Variants in PIWIL2 observed in about 807,000 individuals in gnomAD.
The protein encoded by PIWIL2 is piwi like RNA-mediated gene silencing 2.
A neutral mutation model predicts 116.5 loss-of-function variants in PIWIL2; 81 were observed. The ratio of observed to expected loss-of-function variants is 0.70; its 90% confidence interval spans 0.58 to 0.84. PIWIL2 has a LOEUF of 0.84. PIWIL2 is among the 40% of genes least tolerant of loss of function. The pLI is 0.00. For missense variants in PIWIL2, 1,272 were observed against 1,212.3 expected (o/e 1.05, Z -0.73); for synonymous variants, 489 against 429.5 (o/e 1.14, Z -1.71).
In PIWIL2 at chr8:22,356,202, C is replaced by A; in HGVS notation, c.*697C>A. The A allele has an allele frequency of 6.6e-6, 1 of 152,092 alleles. No homozygotes were observed. The highest frequency in any genetic ancestry group is 6.6e-5 in the Admixed American group (1 of 15,264). The allele number at this position is 152,092 out of a possible 1,614,324, so 9.4% of individuals were successfully genotyped here. A position where few individuals can be genotyped will look rare whatever the true frequency, so the allele number is the denominator to read the frequency against. ...TGATAATTAAGTCATTGCAAGTTGC[C>A]TGAAGAGAATTACTCAGGCAACTGG... On this transcript the variant is annotated 3_prime_UTR_variant, in exon 23 of 23. Coordinates refer to ENST00000356766, the MANE Select transcript of PIWIL2 (RefSeq NM_018068.5).
intron 4 of PIWIL2, among the ~76,000 whole-genome samples, chr8:22,282,765 A>AT (rs1830540336): frequency 6.6e-6 from 1 of 151,868 alleles, no homozygotes; most frequent in East Asian, 2.0e-4. Context: ...TAATTTTTGT[A>AT]TTTTTTATAG....
intron 20 of PIWIL2, among the ~76,000 whole-genome samples, chr8:22,322,979 T>C (rs181085658): frequency 1.5e-3 from 234 of 151,404 alleles, no homozygotes; most frequent in Non-Finnish European, 2.8e-3. Context: ...TGCAGTGGTA[T>C]GATCTCGGCT....
At chr8:22,297,833 C>A (rs913039131) in intron 10 of PIWIL2, among the ~76,000 whole-genome samples, 2 of 152,092 alleles carry the variant, frequency 1.3e-5, no homozygotes, top group African/African-American at 4.8e-5. Context: ...TCAGGAAAGG[C>A]CTAAATTGGT....
At chr8:22,311,088 C>T in intron 15 of PIWIL2, 24 bp from the exon 16 acceptor site, 1 of 1,569,656 alleles carries the variant, frequency 6.4e-7, no homozygotes, top group Non-Finnish European at 8.7e-7. Flanking sequence ...GTGAGAAATA[C>T]TAAAAGCTCT....
At chr8:22,331,679 A>C (rs988371514) in intron 20 of PIWIL2, among the ~76,000 whole-genome samples, 5 of 152,140 alleles carry the variant, frequency 3.3e-5, no homozygotes, top group African/African-American at 4.8e-5. Context: ...ACTGGCTTAC[A>C]CAACAGAAAT....
chr8:22,339,331 C>T lies in PIWIL2; in HGVS notation c.2404-13628C>T, dbSNP rs560969127. ...GACCATCCTGGGCAACATGGTGAAA[C>T]CCCATCTCTACTAAAAATACAAAAA... On this transcript the variant is annotated intron_variant, in intron 20 of 22. Coordinates refer to ENST00000356766, the MANE Select transcript of PIWIL2 (RefSeq NM_018068.5). 1.1e-3 allele frequency among the ~76,000 whole-genome samples: 161 copies of T among 152,100 alleles called. 2 individuals carry two copies. The highest frequency in any genetic ancestry group is 3.5e-3 in the African/African-American group (147 of 41,506).
chr8:22,289,534 G>A (rs1346691327), intron 8 of PIWIL2, among the ~76,000 whole-genome samples: 5 of 152,144 alleles, frequency 3.3e-5, no homozygotes, highest in Non-Finnish European at 7.4e-5. Context: ...CACACACTTA[G>A]CAATGGGCTG....
At chr8:22,354,592 C>G (rs995992224) in intron 22 of PIWIL2, among the ~76,000 whole-genome samples, 2 of 152,140 alleles carry the variant, frequency 1.3e-5, no homozygotes, top group Non-Finnish European at 2.9e-5. Flanking sequence ...TGATGCCAGG[C>G]TTCCCCCCAA....
chr8:22,306,645 C>G (rs1389548023), intron 13 of PIWIL2, among the ~76,000 whole-genome samples: 2 of 152,338 alleles, frequency 1.3e-5, no homozygotes, highest in East Asian at 1.9e-4. Context: ...CCTCACTTTC[C>G]AGTCCATGTC....
intron 21 of PIWIL2, 40 bp downstream of exon 21, chr8:22,353,252 T>C (rs958972828): frequency 5.1e-6 from 8 of 1,558,384 alleles, no homozygotes; most frequent in Non-Finnish European, 7.0e-6. Flanking sequence ...GAAGAATAAG[T>C]TGGAGATGTT....
chr8:22,296,301 T>C (rs1830905604), intron 10 of PIWIL2, among the ~76,000 whole-genome samples: 1 of 152,086 alleles, frequency 6.6e-6, no homozygotes, highest in Admixed American at 6.6e-5. Context: ...TGCCTCAGTC[T>C]CCCAAAGTGC....
chr8:22,350,701 A>G (rs1832333577), intron 20 of PIWIL2, among the ~76,000 whole-genome samples: 1 of 152,020 alleles, frequency 6.6e-6, no homozygotes, highest in African/African-American at 2.4e-5. Flanking sequence ...AAAAGGGGTC[A>G]TTAATATTTG....
At position 22,308,838 on chromosome 8, in the gene PIWIL2, G is replaced by A. The variant is rs1187491297; in HGVS notation, c.1686+765G>A. On this transcript the variant is annotated intron_variant, in intron 14 of 22. Coordinates refer to ENST00000356766, the MANE Select transcript of PIWIL2 (RefSeq NM_018068.5). ...TAATTTTTGTATTTTTAGTAGAGAC[G>A]GAGTTTCACCATGTTGCCATGGCTG... 7.2e-4 allele frequency among the ~76,000 whole-genome samples: 109 copies of A among 152,080 alleles called. 1 individual carries two copies. Among genetic ancestry groups the A allele is most frequent in the South Asian group, 2.1e-4 (1 of 4,810 alleles).
intron 20 of PIWIL2, among the ~76,000 whole-genome samples, chr8:22,323,956 G>A (rs1831665806): frequency 6.6e-6 from 1 of 152,092 alleles, no homozygotes; most frequent in Admixed American, 6.5e-5. Context: ...CTCTCCCAAG[G>A]CACCAGTAGA....
intron 20 of PIWIL2, among the ~76,000 whole-genome samples, chr8:22,330,307 G>T (rs939290291): frequency 1.3e-5 from 2 of 152,098 alleles, no homozygotes; most frequent in East Asian, 1.9e-4. Flanking sequence ...TGTAATTTCT[G>T]TGCCTTTATT....
intron 20 of PIWIL2, among the ~76,000 whole-genome samples, chr8:22,351,859 G>T (rs1300974814): frequency 1.3e-5 from 2 of 151,464 alleles, no homozygotes; most frequent in African/African-American, 2.4e-5. Context: ...GTTTTTGAGG[G>T]TAAGTATGAA....
chr8:22,310,057 G>A lies in PIWIL2; in HGVS notation c.1783G>A (p.Asp595Asn), dbSNP rs1262363767. Residue 595 changes from aspartate (D) to asparagine (N), a missense_variant, in exon 15 of 23, where the codon GAC (aspartate) becomes AAC (asparagine). Asp to Asn is a conservative substitution (Grantham distance 23). Transcript: ENST00000356766. ...AAACTGGGTTAAGGAAGTAACCAGAGACCCTTCCATCTTGACTGTAAGTGA... is the reference window on the plus strand; with the variant it reads ...AAACTGGGTTAAGGAAGTAACCAGAAACCCTTCCATCTTGACTGTAAGTGA... ...ELNWVKEVTRDPSILTIPMHF... is the reference protein window; with the variant it reads ...ELNWVKEVTRNPSILTIPMHF... The A allele has an allele frequency of 6.3e-7, 1 of 1,582,748 alleles. No individual in the cohort carries two copies. The highest frequency in any genetic ancestry group is 1.7e-5 in the Admixed American group (1 of 59,870).
At chr8:22,347,870 G>A (rs923557831) in intron 20 of PIWIL2, among the ~76,000 whole-genome samples, 1 of 151,782 alleles carries the variant, frequency 6.6e-6, no homozygotes, top group African/African-American at 2.4e-5. Flanking sequence ...CTCCCTCCAG[G>A]GAGCAAATCT....
intron 20 of PIWIL2, among the ~76,000 whole-genome samples, chr8:22,328,638 T>TCTG (rs1563408175): frequency 6.6e-6 from 1 of 152,250 alleles, no homozygotes; most frequent in East Asian, 1.9e-4. Context: ...CATGTATAAG[T>TCTG]CTTTACCTGT....
Sources: gnomAD v4.1 joint callset for allele counts (sites outside exome capture counted in the v4.1 genomes callset) on GRCh38, gnomAD v4.1.1 for gene constraint, MANE v1.5 for transcripts, NCBI Gene and HGNC (gene_info 2026-07-23, HGNC 2026-07-21) for gene names.